The following RSF1 variants were observed in gnomAD, a reference collection of about 807,000 sequenced individuals.
RSF1 encodes HBV pX-associated protein 8.
A neutral mutation model predicts 145.2 loss-of-function variants in RSF1; 13 were observed. That is an observed-to-expected ratio of 0.09 (90% CI 0.06 to 0.14). RSF1 has a LOEUF of 0.14. Among genes scored for constraint, RSF1 ranks in the 10% least tolerant of loss-of-function variants. RSF1 has a pLI of 1.00. For synonymous variants in RSF1, 577 were observed against 592.6 expected (o/e 0.97, Z 0.38); for missense variants, 1,517 against 1,718.2 (o/e 0.88, Z 2.07).
At chr11:77,794,271 G>A (rs753891355) in intron 1 of RSF1, among the ~76,000 whole-genome samples, 1 of 152,174 alleles carries the variant, frequency 6.6e-6, no homozygotes, top group Non-Finnish European at 1.5e-5. Context: ...TCCAGGAAGT[G>A]TTAGTCCACA....
At chr11:77,864,931 T>C in the RSF1 span, among the ~76,000 whole-genome samples, 113,434 of 152,072 alleles carry the variant, frequency 0.75, 43,007 homozygotes, top group African/African-American at 0.88. Context: ...GAGCCCTGAT[T>C]GCACCACTGC....
intron 2 of RSF1, among the ~76,000 whole-genome samples, chr11:77,760,360 A>G (rs1948159064): frequency 6.6e-6 from 1 of 152,228 alleles, no homozygotes; most frequent in Non-Finnish European, 1.5e-5. Context: ...TCCATTTATA[A>G]GAAATGTCCA....
intron 11 of RSF1, among the ~76,000 whole-genome samples, chr11:77,682,308 T>TA (rs1959883923): frequency 6.6e-6 from 1 of 152,184 alleles, no homozygotes; most frequent in African/African-American, 2.4e-5. Flanking sequence ...AGTTCAAAGT[T>TA]AAGAGTTTCA....
intron 1 of RSF1, among the ~76,000 whole-genome samples, chr11:77,801,406 C>CA (rs998691067): frequency 6.6e-6 from 1 of 152,156 alleles, no homozygotes; most frequent in Admixed American, 6.5e-5. Context: ...CCAGCCTGGG[C>CA]AAAACAGAGC....
the RSF1 span, chr11:77,829,976 T>C: frequency 3.3e-5 from 5 of 152,220 alleles, no homozygotes; most frequent in African/African-American, 1.2e-4. Flanking sequence ...TACAAAATTC[T>C]TTTTTATAGC....
chr11:77,843,122 T>G, the RSF1 span, among the ~76,000 whole-genome samples: 1 of 152,240 alleles, frequency 6.6e-6, no homozygotes, highest in Non-Finnish European at 1.5e-5. Flanking sequence ...TGCACCATTT[T>G]ACATCTCCAC....
chr11:77,669,153 A>G (rs1469560684), intron 15 of RSF1, among the ~76,000 whole-genome samples: 2 of 152,176 alleles, frequency 1.3e-5, no homozygotes, highest in Non-Finnish European at 2.9e-5. Context: ...CCAACCCAAC[A>G]GTAAATCCTT....
intron 4 of RSF1, 56 bp from the exon 5 acceptor site, chr11:77,725,755 T>C: frequency 1.5e-6 from 2 of 1,366,754 alleles, no homozygotes; most frequent in Non-Finnish European, 9.8e-7. Flanking sequence ...TCTAGAGAAC[T>C]TTCTGAATAA....
chr11:77,830,574 C>G, the RSF1 span, among the ~76,000 whole-genome samples: 2 of 149,956 alleles, frequency 1.3e-5, no homozygotes, highest in Non-Finnish European at 2.9e-5. Flanking sequence ...AGGCAAGGTG[C>G]CCCCGACCCC....
intron 1 of RSF1, among the ~76,000 whole-genome samples, chr11:77,812,956 C>A (rs536349018): frequency 6.6e-6 from 1 of 150,808 alleles, no homozygotes; most frequent in East Asian, 2.0e-4. Flanking sequence ...CATGTTCTTA[C>A]ACTGAAAAGA....
the RSF1 span, among the ~76,000 whole-genome samples, chr11:77,830,571 G>A: frequency 6.7e-6 from 1 of 148,284 alleles, no homozygotes; most frequent in African/African-American, 2.5e-5. Flanking sequence ...TAGAGGCAAG[G>A]TGCCCCCGAC....
intron 3 of RSF1, 119 bp downstream of exon 3, chr11:77,746,917 C>T: frequency 1.7e-6 from 1 of 590,640 alleles, no homozygotes; most frequent in Non-Finnish European, 3.0e-6. Flanking sequence ...AAAATAGACT[C>T]CATTGTCCTC....
chr11:77,715,794 T>G (rs1465758469), intron 5 of RSF1, among the ~76,000 whole-genome samples: 3 of 152,210 alleles, frequency 2.0e-5, no homozygotes, highest in African/African-American at 7.2e-5. Flanking sequence ...TTTCCTTTTT[T>G]GAGACAGGGT....
At chr11:77,704,214 G>A (rs1295150096) in intron 5 of RSF1, among the ~76,000 whole-genome samples, 1 of 152,068 alleles carries the variant, frequency 6.6e-6, no homozygotes, top group East Asian at 1.9e-4. Flanking sequence ...AGGATCACTG[G>A]AGCCCAGGAG....
At chr11:77,700,349 C>CAAAAAAAAAAAAAAAAA (rs71046906) in intron 6 of RSF1, among the ~76,000 whole-genome samples, 2 of 47,194 alleles carry the variant, frequency 4.2e-5, no homozygotes, top group Non-Finnish European at 7.6e-5. Context: ...GACTGTCTCA[C>CAAAAAAAAAAAAAAAAA]AAAAAAAAAA....
upstream of RSF1, chr11:77,821,346 G>A (rs1045455736): frequency 6.3e-6 from 1 of 158,694 alleles, no homozygotes; most frequent in East Asian, 1.8e-4. Flanking sequence ...GCACAGTTGT[G>A]GGAGAAGGTT....
chr11:77,671,681 G>C (rs375705239), intron 15 of RSF1, among the ~76,000 whole-genome samples: 8 of 148,642 alleles, frequency 5.4e-5, no homozygotes, highest in Non-Finnish European at 1.0e-4. Context: ...GTCACCCAGG[G>C]TGGAGTGCAG....
In RSF1 at chr11:77,701,123, T is replaced by C; in HGVS notation, c.2106A>G (p.Gln702=). ...CCAACTTATATTTGAATTTGCTTTT[T>C]TGCATAGAACCCTTTGTCTCAGAAG... ...EEPSETKGSM[Q]KSKFKYKLVP... is the part of the protein sequence containing the mutation. The change falls in exon 6 of 16, where the codon CAA becomes CAG. Residue 702 remains glutamine, a synonymous_variant. Transcript: ENST00000308488. 1.2e-6 allele frequency: 2 copies of C among 1,613,638 alleles called. No individual in the cohort carries two copies. The highest frequency in any genetic ancestry group is 1.7e-6 in the Non-Finnish European group (2 of 1,179,936).
intron 3 of RSF1, among the ~76,000 whole-genome samples, chr11:77,745,714 A>G (rs1247833829): frequency 6.6e-6 from 1 of 151,134 alleles, no homozygotes; most frequent in East Asian, 1.9e-4. Flanking sequence ...TTCACATACT[A>G]GATTGGAAGA....
Sources: allele counts gnomAD v4.1 joint callset (sites outside exome capture counted in the v4.1 genomes callset), GRCh38; gene constraint gnomAD v4.1.1; transcripts MANE v1.5; gene names NCBI Gene and HGNC (gene_info 2026-07-23, HGNC 2026-07-21).